SKI: variants seen among roughly 807,000 people sequenced by gnomAD.
SKI encodes SKI proto-oncogene.
SKI carries 23 observed loss-of-function variants against 59.3 expected under a neutral mutation model. The observed-to-expected ratio is 0.39, with a 90% confidence interval of 0.28 to 0.55. SKI has a LOEUF of 0.55. Among genes scored for constraint, SKI ranks in the 20% least tolerant of loss-of-function variants. The pLI is 0.67. For synonymous variants in SKI, 673 were observed against 488.6 expected, an observed-to-expected ratio of 1.38 and a Z score of -4.98; for missense variants, 1,017 against 1,038.9, an observed-to-expected ratio of 0.98 and a Z score of 0.29.
chr1:2,239,410 G>C (rs1334918231), intron 1 of SKI, among the ~76,000 whole-genome samples: 45 of 152,174 alleles, frequency 3.0e-4, no homozygotes, highest in Non-Finnish European at 2.9e-5. Context: ...AGCCGGGCTC[G>C]ATGTCTTCCT....
In SKI at chr1:2,267,095, G is replaced by T. The variant is rs1037367493; in HGVS notation, c.970-35883G>T. Among the ~76,000 whole-genome samples the T allele has an allele frequency of 6.6e-5, 10 of 152,116 alleles. No individual in the cohort carries two copies. The highest frequency in any genetic ancestry group is 1.5e-4 in the Non-Finnish European group (10 of 68,034). Reference sequence around the variant, plus strand: ...TCGTTTTGTTAACATCTTCATCACCGCCTTTTCAGTTTCAGCGGGAATTGA... The same window carrying T: ...TCGTTTTGTTAACATCTTCATCACCTCCTTTTCAGTTTCAGCGGGAATTGA... On this transcript the variant is annotated intron_variant, in intron 1 of 6. Coordinates refer to ENST00000378536, the MANE Select transcript of SKI (RefSeq NM_003036.4). This position sits in a 1 kb window ranked among gnomAD's most constrained non-coding sequence, Gnocchi z 4.1.
intron 1 of SKI, among the ~76,000 whole-genome samples, chr1:2,234,003 G>GTT (rs1171492428): frequency 6.6e-6 from 1 of 152,194 alleles, no homozygotes. Flanking sequence ...TGCTGCAAGT[G>GTT]TTTTTCTCCA....
At chr1:2,292,525 G>T (rs1378255700) in intron 1 of SKI, among the ~76,000 whole-genome samples, 1 of 152,196 alleles carries the variant, frequency 6.6e-6, no homozygotes, top group East Asian at 1.9e-4. Context: ...CTTCCTAGCT[G>T]TGTAGCCCAC....
rs1385791524 is a variant in SKI, at chr1:2,307,988, G to T, written c.*1223G>T. The T allele has an allele frequency of 6.6e-6, 1 of 152,346 alleles. No homozygotes were observed. The highest frequency in any genetic ancestry group is 1.5e-5 in the Non-Finnish European group (1 of 68,020). The allele number at this position is 152,346 out of a possible 1,614,324, so 9.4% of individuals were successfully genotyped here. A position where few individuals can be genotyped will look rare whatever the true frequency, so the allele number is the denominator to read the frequency against. On this transcript the variant is annotated 3_prime_UTR_variant, in exon 7 of 7. Transcript: ENST00000378536. ...CCCCAAGATATCTGTCTTCAGTAGCGACTGAATCTGCCACTCTCAGAATAA... is the reference window on the plus strand; with the variant it reads ...CCCCAAGATATCTGTCTTCAGTAGCTACTGAATCTGCCACTCTCAGAATAA...
chr1:2,254,004 G>A (rs1342400634), intron 1 of SKI, among the ~76,000 whole-genome samples: 2 of 152,230 alleles, frequency 1.3e-5, no homozygotes, highest in Admixed American at 6.5e-5. Flanking sequence ...GACCACGGCG[G>A]CAAGGGCCAC....
At chr1:2,256,369 C>T (rs1408689384) in intron 1 of SKI, among the ~76,000 whole-genome samples, 4 of 152,232 alleles carry the variant, frequency 2.6e-5, no homozygotes, top group African/African-American at 4.8e-5. Flanking sequence ...TGGAGTTAGG[C>T]ATCATCTTGG....
intron 1 of SKI, among the ~76,000 whole-genome samples, chr1:2,234,576 G>A (rs1472513977): frequency 6.6e-6 from 1 of 152,204 alleles, no homozygotes; most frequent in Non-Finnish European, 1.5e-5. Context: ...CCCAGCTTAG[G>A]TTAGGCCTTC....
chr1:2,240,604 C>A, intron 1 of SKI: 1 of 985,434 alleles, frequency 1.0e-6, no homozygotes, highest in Non-Finnish European at 1.2e-6. Context: ...TTTTAAGAAG[C>A]AGAGTTCTCT....
At position 2,229,789 on chromosome 1, in the gene SKI, C is replaced by T. The variant is rs1638590678; in HGVS notation, c.969+54C>T. 7 of 1,549,322 alleles carry T rather than the reference C, an allele frequency of 4.5e-6. No homozygotes were observed. In the Admixed American group the frequency reaches 9.8e-5, roughly 22 times the overall value. ...GAGGATGCGCTTGGGGTGGGGGCCC[C>T]TTCTGGACTACAGGCTCTGGTCTCC... is the stretch of plus-strand genomic sequence containing the variant. On this transcript the variant is annotated intron_variant, in intron 1 of 6. Transcript: ENST00000378536. The surrounding 1 kb of genome is among the most constrained non-coding windows in gnomAD (Gnocchi z 6.3).
At chr1:2,280,282 A>G (rs1639844285) in intron 1 of SKI, among the ~76,000 whole-genome samples, 2 of 151,674 alleles carry the variant, frequency 1.3e-5, no homozygotes, top group Non-Finnish European at 2.9e-5. Flanking sequence ...AGGGCGAGGC[A>G]GGAGAATCGC....
At chr1:2,237,884 G>C (rs1305579425) in intron 1 of SKI, among the ~76,000 whole-genome samples, 1 of 152,238 alleles carries the variant, frequency 6.6e-6, no homozygotes, top group African/African-American at 2.4e-5. Flanking sequence ...CGCCCTCTGT[G>C]GGAGGTCTGA....
rs1638578800 is a variant in SKI at position 2,229,360 on chromosome 1, C to T, written c.594C>T (p.Pro198=). 1.3e-6 allele frequency: 2 copies of T among 1,598,734 alleles called. No individual in the cohort carries two copies. Among genetic ancestry groups the T allele is most frequent in the African/African-American group, 2.7e-5 (2 of 74,436 alleles). ...ALLYGGAYPP[P]CKKELAASLA... ...TCTACGGCGGCGCCTACCCGCCGCC[C>T]TGCAAGAAGGAGCTGGCCGCCAGCC... The change falls in exon 1 of 7, where the codon CCC becomes CCT. Residue 198 remains proline, a synonymous_variant. Coordinates refer to ENST00000378536, the MANE Select transcript of SKI (RefSeq NM_003036.4). This position sits in a 1 kb window ranked among gnomAD's most constrained non-coding sequence, Gnocchi z 6.3.
At chr1:2,289,103 T>A (rs983999765) in intron 1 of SKI, among the ~76,000 whole-genome samples, 1 of 152,196 alleles carries the variant, frequency 6.6e-6, no homozygotes, top group South Asian at 2.1e-4. Context: ...GGAGACCTGG[T>A]GGCTCAGGCC....
In SKI at chr1:2,228,900, A is replaced by G; in HGVS notation, c.134A>G (p.Glu45Gly). ...GCTTTCTCGGCGCGCTGGGCGCAGG[A>G]GGCCTACAAGAAGGAGAGCGCCAAG... The part of the protein sequence containing the change: ...PAAFSARWAQ[E>G]AYKKESAKEA... Residue 45 changes from glutamate to glycine, a missense_variant, in exon 1 of 7, where the codon GAG becomes GGG. By Grantham distance (98) the Glu-to-Gly change is moderately conservative. Transcript: ENST00000378536. 5 of 1,417,478 alleles carry G rather than the reference A, an allele frequency of 3.5e-6. No individual in the cohort carries two copies. The highest frequency in any genetic ancestry group is 4.6e-6 in the Non-Finnish European group (5 of 1,080,914). 87.8% of individuals were successfully genotyped at this position (1,417,478 alleles called of 1,614,324 possible).
chr1:2,297,044 C>T (rs1303065972), intron 1 of SKI, among the ~76,000 whole-genome samples: 1 of 151,982 alleles, frequency 6.6e-6, no homozygotes, highest in Admixed American at 6.5e-5. Context: ...GGCACCCGCA[C>T]AGGCTCTTGG....
At chr1:2,287,412 C>T (rs1640062044) in intron 1 of SKI, among the ~76,000 whole-genome samples, 1 of 150,890 alleles carries the variant, frequency 6.6e-6, no homozygotes, top group Non-Finnish European at 1.5e-5. Flanking sequence ...TCTCGGCTCA[C>T]TGCAAGCTCC....
chr1:2,298,330 G>A (rs573690791), intron 1 of SKI, among the ~76,000 whole-genome samples: 1 of 152,290 alleles, frequency 6.6e-6, no homozygotes, highest in South Asian at 2.1e-4. Context: ...TTCACTCTGC[G>A]AAGTTCCCTG....
chr1:2,230,997 G>C (rs182487857), intron 1 of SKI, among the ~76,000 whole-genome samples: 1 of 152,068 alleles, frequency 6.6e-6, no homozygotes, highest in Non-Finnish European at 1.5e-5. Flanking sequence ...GTGTGTGCGC[G>C]CTTCTGACCC....
rs765605691 is a variant in SKI at position 2,228,992 on chromosome 1, C to T, written c.226C>T (p.Leu76=). The T allele has an allele frequency of 9.0e-6, 14 of 1,549,358 alleles. No homozygotes were observed. The highest frequency in any genetic ancestry group is 1.2e-5 in the Non-Finnish European group (14 of 1,154,476). ...AATEPPPVLH[L]PAIQPPPPVL... ...CACCGAGCCGCCGCCCGTGCTGCAC[C>T]TGCCCGCCATCCAGCCGCCGCCGCC... The change falls in exon 1 of 7, where the codon CTG becomes TTG. Residue 76 remains leucine (L), a synonymous_variant. Coordinates refer to ENST00000378536, the MANE Select transcript of SKI (RefSeq NM_003036.4).
Sources: allele counts gnomAD v4.1 joint callset (sites outside exome capture counted in the v4.1 genomes callset), GRCh38; gene constraint gnomAD v4.1.1; non-coding constraint Gnocchi (gnomAD v3.1); transcripts MANE v1.5; gene names NCBI Gene and HGNC (gene_info 2026-07-23, HGNC 2026-07-21).